C22orf31: variants seen among roughly 807,000 people sequenced by gnomAD.
The protein encoded by C22orf31 is chromosome 22 open reading frame 31, also known as uncharacterized protein C22orf31.
Under a neutral mutation model 15.0 loss-of-function variants are expected in C22orf31, and 11 were observed. The ratio of observed to expected loss-of-function variants is 0.73; its 90% CI spans 0.46 to 1.21. The LOEUF is 1.21. Ranked by LOEUF, C22orf31 falls within the 50% of genes most tolerant of loss-of-function variation. C22orf31 has a pLI of 0.00. For synonymous variants in C22orf31, 132 were observed against 133.3 expected, an observed-to-expected ratio of 0.99 and a Z score of 0.07; for missense variants, 340 against 347.2, an observed-to-expected ratio of 0.98 and a Z score of 0.17.
the C22orf31 span, among the ~76,000 whole-genome samples, chr22:29,071,038 G>C: frequency 6.6e-6 from 1 of 152,100 alleles, no homozygotes; most frequent in Non-Finnish European, 1.5e-5. Context: ...AGGCACTGCT[G>C]TCTGGGAGGG....
chr22:29,072,866 T>C, the C22orf31 span, among the ~76,000 whole-genome samples: 2 of 151,950 alleles, frequency 1.3e-5, no homozygotes, highest in African/African-American at 4.8e-5. Context: ...CGGGGCCTGA[T>C]GCGTGAGTGG....
upstream of C22orf31, among the ~76,000 whole-genome samples, chr22:29,063,775 T>C (rs995980408): frequency 4.6e-5 from 7 of 152,216 alleles, no homozygotes; most frequent in African/African-American, 1.7e-4. Flanking sequence ...TTCCCTGTTT[T>C]ACAGATAAAG....
chr22:29,064,342 T>A (rs1669905163), upstream of C22orf31, among the ~76,000 whole-genome samples: 8 of 152,194 alleles, frequency 5.3e-5, no homozygotes, highest in Admixed American at 5.2e-4. Flanking sequence ...CCATCTTTCA[T>A]TAGGCAAGTG....
chr22:29,069,747 G>C, the C22orf31 span, among the ~76,000 whole-genome samples: 1 of 152,076 alleles, frequency 6.6e-6, no homozygotes, highest in Non-Finnish European at 1.5e-5. Context: ...GAGAAGGTGG[G>C]GGTGGAGAAG....
chr22:29,071,755 T>A, the C22orf31 span, among the ~76,000 whole-genome samples: 6 of 152,100 alleles, frequency 3.9e-5, no homozygotes, highest in African/African-American at 1.4e-4. Flanking sequence ...GGGGAAGACC[T>A]TGCCGGGGTC....
intron 1 of C22orf31, 61 bp from the exon 2 acceptor site, chr22:29,060,904 AG>A (rs1211924744): frequency 7.0e-7 from 1 of 1,430,298 alleles, no homozygotes; most frequent in African/African-American, 1.4e-5. Context: ...AGAGAATAAA[AG>A]GTCTACTTTG....
At chr22:29,073,286 A>C in the C22orf31 span, 1 of 771,638 alleles carries the variant, frequency 1.3e-6, no homozygotes, top group Non-Finnish European at 1.7e-6. This position sits in a 1 kb window ranked among gnomAD's most constrained non-coding sequence, Gnocchi z 4.4. Context: ...AGGGGCGACA[A>C]GGGCCGGCCG....
chr22:29,069,342 C>A, the C22orf31 span, among the ~76,000 whole-genome samples: 11 of 152,126 alleles, frequency 7.2e-5, no homozygotes, highest in Non-Finnish European at 1.3e-4. Flanking sequence ...AAAATGACTG[C>A]CCTTTGAGCA....
At chr22:29,060,885 T>C (rs2037384556) in intron 1 of C22orf31, 42 bp from the exon 2 acceptor site, 1 of 1,526,784 alleles carries the variant, frequency 6.5e-7, no homozygotes, top group Admixed American at 1.8e-5. Context: ...AAAAGGACCG[T>C]TCTTCAGCAG....
the C22orf31 span, among the ~76,000 whole-genome samples, chr22:29,071,159 G>A: frequency 6.6e-6 from 1 of 151,776 alleles, no homozygotes; most frequent in Non-Finnish European, 1.5e-5. Context: ...GGTGGCAGGA[G>A]GTGGGGGGGG....
In C22orf31 at chr22:29,058,752, CT is replaced by C; in HGVS notation, c.862del (p.Ser288AlafsTer11). Reference protein sequence around the residue: ...PVLKKWPKLKSKK With the variant: ...PVLKKWPKLKXKK The stretch of plus-strand genomic sequence containing the variant: ...CATGAGTTCTTGTTCCTATTTTTTG[CT>C]CTTTAACTTGGGCCATTTCTTGAGT... On this transcript the variant is annotated frameshift_variant, in exon 3 of 3. Transcript: ENST00000216071. LOFTEE classifies it high-confidence loss of function. 1 of 1,602,636 alleles carries C rather than the reference CT, an allele frequency of 6.2e-7. No homozygotes were observed. The highest frequency in any genetic ancestry group is 2.2e-5 in the East Asian group (1 of 44,830).
chr22:29,071,896 C>T, the C22orf31 span, among the ~76,000 whole-genome samples: 1 of 152,188 alleles, frequency 6.6e-6, no homozygotes, highest in African/African-American at 2.4e-5. Flanking sequence ...CTGGACGTTG[C>T]GTTGGGCGTT....
upstream of C22orf31, chr22:29,061,872 C>T: frequency 8.3e-7 from 1 of 1,206,216 alleles, no homozygotes; most frequent in Middle Eastern, 2.1e-4. Context: ...TTTTCTCTCT[C>T]TCTCTTTTTT....
the C22orf31 span, among the ~76,000 whole-genome samples, chr22:29,073,478 C>G: frequency 6.6e-6 from 1 of 152,066 alleles, no homozygotes; most frequent in African/African-American, 2.4e-5. This position sits in a 1 kb window ranked among gnomAD's most constrained non-coding sequence, Gnocchi z 4.4. Context: ...CTCAGCGACG[C>G]CCCTCAGCCC....
intron 1 of C22orf31, among the ~76,000 whole-genome samples, chr22:29,061,508 C>T (rs141675641): frequency 1.6e-4 from 24 of 152,204 alleles, no homozygotes; most frequent in Admixed American, 2.6e-4. Flanking sequence ...TCAGATGATC[C>T]GCCCGCCTCA....
the C22orf31 span, among the ~76,000 whole-genome samples, chr22:29,071,639 G>T: frequency 6.6e-6 from 1 of 152,156 alleles, no homozygotes; most frequent in Non-Finnish European, 1.5e-5. Context: ...GACCTGCCCC[G>T]CCGGGCGTCA....
chr22:29,073,689 T>A, the C22orf31 span, among the ~76,000 whole-genome samples: 1 of 140,120 alleles, frequency 7.1e-6, no homozygotes, highest in Non-Finnish European at 1.5e-5. This position sits in a 1 kb window ranked among gnomAD's most constrained non-coding sequence, Gnocchi z 4.4. Context: ...GGACGTCCTC[T>A]GCTCCCCGGT....
upstream of C22orf31, among the ~76,000 whole-genome samples, chr22:29,062,094 AC>A (rs1175635004): frequency 2.0e-5 from 3 of 152,254 alleles, no homozygotes; most frequent in African/African-American, 4.8e-5. Flanking sequence ...GAAGTTCTAT[AC>A]GGTTTTGCTT....
upstream of C22orf31, among the ~76,000 whole-genome samples, chr22:29,062,617 C>T (rs573762440): frequency 6.6e-6 from 1 of 152,084 alleles, no homozygotes; most frequent in African/African-American, 2.4e-5. Context: ...GAGGGGGAGG[C>T]CAGTGAAATG....
Sources: allele counts gnomAD v4.1 joint callset (sites outside exome capture counted in the v4.1 genomes callset), GRCh38; gene constraint gnomAD v4.1.1; non-coding constraint Gnocchi (gnomAD v3.1); transcripts MANE v1.5; gene names NCBI Gene and HGNC (gene_info 2026-07-23, HGNC 2026-07-21).